G3BP2: variants seen among roughly 807,000 people sequenced by gnomAD.
G3BP2 encodes ras GTPase-activating protein-binding protein 2.
G3BP2 carries 11 observed loss-of-function variants against 56.7 expected under a neutral mutation model. The ratio of observed to expected loss-of-function variants is 0.19; its 90% CI spans 0.12 to 0.32. The LOEUF (loss-of-function observed/expected upper bound fraction) is 0.32, where lower values mean the gene tolerates loss of function less well. Ranked by LOEUF, G3BP2 falls within the 10% of genes least tolerant of loss-of-function variation. The pLI, the probability that G3BP2 is intolerant of heterozygous loss-of-function variation, is 1.00. For synonymous variants in G3BP2, 165 were observed against 191.6 expected (o/e 0.86, Z 1.15); for missense variants, 340 against 610.9 (o/e 0.56, Z 4.67).
At chr4:75,709,378 C>T (rs1719667960) in intron 3 of G3BP2, among the ~76,000 whole-genome samples, 1 of 141,920 alleles carries the variant, frequency 7.0e-6, no homozygotes, top group Admixed American at 7.3e-5. Flanking sequence ...TGAGATTGCA[C>T]CACCACACTC....
chr4:75,682,394 G>A (rs1324234293), intron 3 of G3BP2, among the ~76,000 whole-genome samples: 1 of 143,320 alleles, frequency 7.0e-6, no homozygotes, highest in African/African-American at 2.6e-5. Context: ...CCGGCCTTGT[G>A]ACAGAGCGAG....
At chr4:75,723,435 T>C (rs764493791) in intron 1 of G3BP2, among the ~76,000 whole-genome samples, 1 of 152,136 alleles carries the variant, frequency 6.6e-6, no homozygotes, top group Non-Finnish European at 1.5e-5. Flanking sequence ...GTCATCTCAA[T>C]GAGAAATGAT....
intron 3 of G3BP2, among the ~76,000 whole-genome samples, chr4:75,684,812 A>G (rs1718512997): frequency 1.3e-5 from 2 of 152,124 alleles, no homozygotes. Flanking sequence ...TTTGCTGAAA[A>G]GATCCATATT....
rs1731135961 is a variant in G3BP2 at position 75,645,303 on chromosome 4, G to T, written c.*127C>A. 1.3e-6 allele frequency: 1 copy of T among 789,906 alleles called. No individual in the cohort carries two copies. Among genetic ancestry groups the T allele is most frequent in the Admixed American group, 2.9e-5 (1 of 34,714 alleles). 48.9% of individuals were successfully genotyped at this position (789,906 alleles called of 1,614,324 possible). On this transcript the variant is annotated 3_prime_UTR_variant, in exon 12 of 12. Coordinates refer to ENST00000359707, the MANE Select transcript of G3BP2 (RefSeq NM_203505.3). ...CACCTCAATTTAACTGATAACCAAA[G>T]ATGCTTTTCACATCAAAGAAATGAT... is the stretch of plus-strand genomic sequence containing the variant.
At chr4:75,716,665 A>C (rs934931877) in intron 3 of G3BP2, among the ~76,000 whole-genome samples, 1 of 151,890 alleles carries the variant, frequency 6.6e-6, no homozygotes, top group Non-Finnish European at 1.5e-5. Context: ...ACAGGCATGC[A>C]CCACCATGCC....
intron 1 of G3BP2, among the ~76,000 whole-genome samples, chr4:75,666,737 CAAG>C (rs1733068905): frequency 6.6e-6 from 1 of 152,104 alleles, no homozygotes; most frequent in African/African-American, 2.4e-5. Flanking sequence ...AAAGTGATTA[CAAG>C]AAGAAAGAAT....
At chr4:75,649,959 C>T (rs552642747) in intron 8 of G3BP2, among the ~76,000 whole-genome samples, 107 of 151,780 alleles carry the variant, frequency 7.0e-4, no homozygotes, top group African/African-American at 2.5e-3. Context: ...TGCAGTGAGC[C>T]AAGATCACGC....
chr4:75,651,406 T>C (rs1731691089), intron 8 of G3BP2, among the ~76,000 whole-genome samples: 1 of 152,232 alleles, frequency 6.6e-6, no homozygotes, highest in Non-Finnish European at 1.5e-5. Context: ...CCTTATTCTT[T>C]AAGGATGAAA....
chr4:75,662,248 G>A, intron 1 of G3BP2, 199 bp from the exon 2 acceptor site: 1 of 359,696 alleles, frequency 2.8e-6, no homozygotes, highest in East Asian at 5.4e-5. Flanking sequence ...TTGAGACGGA[G>A]TTTCACTCTC....
At chr4:75,650,604 C>G (rs575111766) in intron 8 of G3BP2, among the ~76,000 whole-genome samples, 1 of 152,240 alleles carries the variant, frequency 6.6e-6, no homozygotes, top group Non-Finnish European at 1.5e-5. Context: ...GATGAAGTTG[C>G]TTACCATATT....
chr4:75,684,377 C>A (rs955593658), intron 3 of G3BP2, among the ~76,000 whole-genome samples: 11 of 151,342 alleles, frequency 7.3e-5, no homozygotes, highest in African/African-American at 2.4e-4. Context: ...TGCACTCTGG[C>A]CTGGGCGACA....
chr4:75,701,431 TG>T (rs1553893014), intron 3 of G3BP2, among the ~76,000 whole-genome samples: 1 of 2,522 alleles, frequency 4.0e-4, no homozygotes, highest in East Asian at 0.036. Flanking sequence ...TGGCTAATTT[TG>T]TTTGTTTGTT....
chr4:75,686,056 G>A (rs1170065036), intron 3 of G3BP2, among the ~76,000 whole-genome samples: 2 of 152,130 alleles, frequency 1.3e-5, no homozygotes, highest in African/African-American at 4.8e-5. Flanking sequence ...TTTAAAATGG[G>A]TATTCCAGTC....
intron 3 of G3BP2, among the ~76,000 whole-genome samples, chr4:75,710,539 G>T (rs1719715968): frequency 6.6e-6 from 1 of 152,292 alleles, no homozygotes; most frequent in Non-Finnish European, 1.5e-5. Flanking sequence ...CTCCACAAAA[G>T]CAAACATTTT....
chr4:75,671,733 A>G (rs1733504538), intron 1 of G3BP2, among the ~76,000 whole-genome samples: 1 of 152,220 alleles, frequency 6.6e-6, no homozygotes. Context: ...AAAGGCCCAT[A>G]AGAGTAATCT....
At position 75,645,712 on chromosome 4, in the gene G3BP2, A is replaced by G; in HGVS notation, c.1177-10T>C. On this transcript the variant is annotated splice_polypyrimidine_tract_variant and intron_variant, in intron 11 of 11. Transcript: ENST00000359707. Reference sequence around the variant, plus strand: ...CTCGAAACATAATCGGCTTTATAAAAGAGAAGAAAAATATTTACATGGGCA... The same window carrying G: ...CTCGAAACATAATCGGCTTTATAAAGGAGAAGAAAAATATTTACATGGGCA... 1 of 1,611,578 alleles carries G rather than the reference A, an allele frequency of 6.2e-7. No individual in the cohort carries two copies. The highest frequency in any genetic ancestry group is 8.5e-7 in the Non-Finnish European group (1 of 1,178,526).
At chr4:75,706,443 G>T (rs1719547623) in intron 3 of G3BP2, among the ~76,000 whole-genome samples, 1 of 152,166 alleles carries the variant, frequency 6.6e-6, no homozygotes, top group African/African-American at 2.4e-5. Flanking sequence ...CCACTTAGCA[G>T]CTGTGGTGTG....
intron 3 of G3BP2, among the ~76,000 whole-genome samples, chr4:75,690,747 A>T (rs927793411): frequency 6.6e-6 from 1 of 151,984 alleles, no homozygotes; most frequent in East Asian, 1.9e-4. Flanking sequence ...AATTTTTTGT[A>T]GAGACAGGGT....
intron 1 of G3BP2, among the ~76,000 whole-genome samples, chr4:75,723,334 T>C (rs1228624016): frequency 6.6e-6 from 1 of 152,158 alleles, no homozygotes; most frequent in African/African-American, 2.4e-5. Context: ...AGATGTTTTG[T>C]TGTTGTTAGT....
Sources: gnomAD v4.1 joint callset for allele counts (sites outside exome capture counted in the v4.1 genomes callset) on GRCh38, gnomAD v4.1.1 for gene constraint, MANE v1.5 for transcripts, NCBI Gene and HGNC (gene_info 2026-07-23, HGNC 2026-07-21) for gene names.